TTC28: variants seen among roughly 807,000 people sequenced by gnomAD.
TTC28 encodes tetratricopeptide repeat domain 28, also known as tetratricopeptide repeat protein 28.
A neutral mutation model predicts 198.0 loss-of-function variants in TTC28; 61 were observed. The observed-to-expected ratio is 0.31, with a 90% CI of 0.25 to 0.38. TTC28 has a LOEUF of 0.38. Among genes scored for constraint, TTC28 ranks in the 10% least tolerant of loss-of-function variants. The probability of loss-of-function intolerance (pLI) is 1.00; values close to 1 mark genes in which losing one functional copy is unlikely to be tolerated. For synonymous variants in TTC28, 1,171 were observed against 1,297.8 expected (o/e 0.90, Z 2.10); for missense variants, 2,678 against 3,164.0 (o/e 0.85, Z 3.69).
chr22:28,385,156 A>T (rs2046558257), intron 2 of TTC28, among the ~76,000 whole-genome samples: 1 of 151,246 alleles, frequency 6.6e-6, no homozygotes, highest in Admixed American at 6.6e-5. Flanking sequence ...AAAAAAAAAA[A>T]TTACACAGGT....
chr22:28,244,089 AATAT>A (rs1473408318), intron 5 of TTC28, among the ~76,000 whole-genome samples: 2 of 152,198 alleles, frequency 1.3e-5, no homozygotes, highest in Non-Finnish European at 2.9e-5. Context: ...AAATGTGAAA[AATAT>A]ATATGCCAAG....
At chr22:28,420,177 T>C (rs913624042) in intron 2 of TTC28, among the ~76,000 whole-genome samples, 2 of 152,236 alleles carry the variant, frequency 1.3e-5, no homozygotes, top group Non-Finnish European at 2.9e-5. Flanking sequence ...AGCTTTTGGC[T>C]GGATGACTAA....
At chr22:28,294,758 G>A (rs1002935208) in intron 5 of TTC28, among the ~76,000 whole-genome samples, 8 of 151,982 alleles carry the variant, frequency 5.3e-5, no homozygotes, top group African/African-American at 9.7e-5. Flanking sequence ...AAGTAGAGAC[G>A]GGGTTTCACC....
chr22:28,609,877 C>T (rs2050790798), intron 2 of TTC28, among the ~76,000 whole-genome samples: 1 of 152,142 alleles, frequency 6.6e-6, no homozygotes, highest in Admixed American at 6.5e-5. Context: ...CTGAGGTCGA[C>T]CTGGGACACT....
chr22:28,197,199 C>T (rs1050689331), intron 5 of TTC28, among the ~76,000 whole-genome samples: 4 of 142,846 alleles, frequency 2.8e-5, no homozygotes, highest in African/African-American at 7.9e-5. Context: ...CATGTTCTCA[C>T]TCATAGGTGG....
intron 2 of TTC28, among the ~76,000 whole-genome samples, chr22:28,481,657 G>A (rs2048248375): frequency 6.6e-6 from 1 of 152,186 alleles, no homozygotes; most frequent in Admixed American, 6.5e-5. Context: ...CTATTATGAA[G>A]TACAAGCTTT....
intron 2 of TTC28, among the ~76,000 whole-genome samples, chr22:28,505,579 G>A (rs921907158): frequency 2.6e-5 from 4 of 152,186 alleles, no homozygotes; most frequent in African/African-American, 9.7e-5. Context: ...CAGATCAGGA[G>A]ATTGCCTCAG....
At chr22:28,616,267 T>C (rs1601626171) in intron 2 of TTC28, among the ~76,000 whole-genome samples, 2 of 152,312 alleles carry the variant, frequency 1.3e-5, no homozygotes, top group Middle Eastern at 3.4e-3. Flanking sequence ...TCCCACTAAG[T>C]ATAAATGTTC....
intron 2 of TTC28, among the ~76,000 whole-genome samples, chr22:28,352,713 C>T (rs1228964681): frequency 6.6e-6 from 1 of 152,056 alleles, no homozygotes; most frequent in Non-Finnish European, 1.5e-5. Flanking sequence ...CCAAGAGTTA[C>T]CAAGGTCTGC....
chr22:28,322,163 C>G (rs1439014916), intron 2 of TTC28, among the ~76,000 whole-genome samples: 3 of 152,192 alleles, frequency 2.0e-5, no homozygotes, highest in Non-Finnish European at 4.4e-5. Context: ...CAGTATAAGT[C>G]TCTGATAGGA....
At chr22:28,276,672 T>A (rs556543377) in intron 5 of TTC28, among the ~76,000 whole-genome samples, 1 of 152,296 alleles carries the variant, frequency 6.6e-6, no homozygotes, top group Admixed American at 6.5e-5. Context: ...CTAAATACTT[T>A]ATCACAGATT....
intron 2 of TTC28, among the ~76,000 whole-genome samples, chr22:28,602,725 A>G (rs1484014264): frequency 6.6e-6 from 1 of 152,212 alleles, no homozygotes; most frequent in African/African-American, 2.4e-5. Flanking sequence ...TGCTTTGACA[A>G]TGAAGTATAG....
intron 2 of TTC28, among the ~76,000 whole-genome samples, chr22:28,595,072 A>T (rs778989676): frequency 3.5e-4 from 53 of 152,198 alleles, no homozygotes; most frequent in South Asian, 8.3e-4. Flanking sequence ...ATCTTTTTTT[A>T]AAAAAAGCAT....
intron 6 of TTC28, among the ~76,000 whole-genome samples, chr22:28,139,379 T>C (rs781540218): frequency 6.6e-6 from 1 of 152,154 alleles, no homozygotes; most frequent in Non-Finnish European, 1.5e-5. Context: ...TAAAATGACA[T>C]TGGTAAGGAG....
chr22:28,200,034 T>C (rs953307001), intron 5 of TTC28, among the ~76,000 whole-genome samples: 2 of 152,172 alleles, frequency 1.3e-5, no homozygotes, highest in Non-Finnish European at 2.9e-5. Context: ...ATATTTTCTA[T>C]AAATATGTAT....
intron 13 of TTC28, among the ~76,000 whole-genome samples, chr22:28,018,110 T>G (rs1938441084): frequency 6.6e-6 from 1 of 152,032 alleles, no homozygotes; most frequent in Non-Finnish European, 1.5e-5. Flanking sequence ...ACCAACTATT[T>G]CTGGAGCAAC....
chr22:28,229,240 G>A (rs1271473117), intron 5 of TTC28, among the ~76,000 whole-genome samples: 1 of 152,212 alleles, frequency 6.6e-6, no homozygotes, highest in Non-Finnish European at 1.5e-5. Context: ...TAATTTTGTA[G>A]TTCTGGGTAG....
At chr22:28,372,219 C>A (rs574089355) in intron 2 of TTC28, among the ~76,000 whole-genome samples, 32 of 152,322 alleles carry the variant, frequency 2.1e-4, no homozygotes, top group Non-Finnish European at 3.1e-4. Context: ...ACAGCTACTA[C>A]TAAAAACATC....
chr22:28,424,157 C>T (rs146466237), intron 2 of TTC28, among the ~76,000 whole-genome samples: 1 of 152,140 alleles, frequency 6.6e-6, no homozygotes, highest in African/African-American at 2.4e-5. Context: ...TTAGGGTATA[C>T]AACTTGATGT....
Sources: gnomAD v4.1 joint callset for allele counts (sites outside exome capture counted in the v4.1 genomes callset) on GRCh38, gnomAD v4.1.1 for gene constraint, MANE v1.5 for transcripts, NCBI Gene and HGNC (gene_info 2026-07-23, HGNC 2026-07-21) for gene names.